HDAC4: variants seen among roughly 807,000 people sequenced by gnomAD.
HDAC4 encodes histone deacetylase 4, also known as histone deacetylase A.
Under a neutral mutation model 135.1 loss-of-function variants are expected in HDAC4, and 16 were observed. The observed-to-expected ratio is 0.12, with a 90% CI of 0.08 to 0.18. HDAC4 has a LOEUF of 0.18. Ranked by LOEUF, HDAC4 falls within the 10% of genes least tolerant of loss-of-function variation. The pLI is 1.00. For synonymous variants in HDAC4, 685 were observed against 653.4 expected, an observed-to-expected ratio of 1.05 and a Z score of -0.74; for missense variants, 1,143 against 1,511.8, an observed-to-expected ratio of 0.76 and a Z score of 4.05.
intron 3 of HDAC4, 65 bp downstream of exon 3, chr2:239,236,528 G>T: frequency 7.8e-7 from 1 of 1,285,324 alleles, no homozygotes; most frequent in Non-Finnish European, 1.1e-6. Flanking sequence ...ATAAGGCAGA[G>T]CGTCTGAACA....
intron 11 of HDAC4, among the ~76,000 whole-genome samples, chr2:239,128,798 G>T (rs979654041): frequency 3.3e-5 from 5 of 152,010 alleles, no homozygotes; most frequent in African/African-American, 1.2e-4. Flanking sequence ...ACAGTCCCCT[G>T]CCCAGGCCTG....
At position 239,226,588 on chromosome 2, in the gene HDAC4, T is replaced by C. The variant is rs77243023; in HGVS notation, c.94+10005A>G. Among the ~76,000 whole-genome samples the C allele has an allele frequency of 5.3e-3, 800 of 152,282 alleles. 3 individuals are homozygous for C. Among genetic ancestry groups the C allele is most frequent in the African/African-American group, 0.018 (745 of 41,572 alleles). On this transcript the variant is annotated intron_variant, in intron 3 of 26. Coordinates refer to ENST00000543185, the MANE Select transcript of HDAC4 (RefSeq NM_001378414.1). Reference sequence around the variant, plus strand: ...TAACCGTCTGCTTTCTTACCACCCATGTTCCTTGCTAAGGGCAGACAGTAA... The same window carrying C: ...TAACCGTCTGCTTTCTTACCACCCACGTTCCTTGCTAAGGGCAGACAGTAA...
chr2:239,143,835 T>C (rs3828210), intron 8 of HDAC4, among the ~76,000 whole-genome samples: 109,047 of 152,188 alleles, frequency 0.72, 40,115 homozygotes, highest in South Asian at 0.91. Flanking sequence ...GCCTTCAAGT[T>C]GAACACTTTC....
chr2:239,383,174 G>A (rs1021654891), intron 1 of HDAC4, among the ~76,000 whole-genome samples: 2 of 152,236 alleles, frequency 1.3e-5, no homozygotes, highest in Admixed American at 1.3e-4. Context: ...TCCCCTTGTC[G>A]AGGAAGATGT....
In HDAC4 at chr2:239,068,679, T is replaced by G; in HGVS notation, c.2751-72A>C. 5 of 1,324,608 alleles carry G rather than the reference T, an allele frequency of 3.8e-6. No homozygotes were observed. Among genetic ancestry groups the G allele is most frequent in the Non-Finnish European group, 5.5e-6 (5 of 917,338 alleles). 82.1% of individuals were successfully genotyped at this position (1,324,608 alleles called of 1,614,324 possible). On this transcript the variant is annotated intron_variant, in intron 22 of 26. Coordinates refer to ENST00000543185, the MANE Select transcript of HDAC4 (RefSeq NM_001378414.1). This position sits in a 1 kb window ranked among gnomAD's most constrained non-coding sequence, Gnocchi z 4.4. The stretch of plus-strand genomic sequence containing the variant: ...CGGGACGGTCACAAAACCCCAAGGT[T>G]CCCTCTGGCATTGATAATGCCTGCC...
chr2:239,210,223 G>C (rs1230625790), intron 3 of HDAC4, among the ~76,000 whole-genome samples: 2 of 152,156 alleles, frequency 1.3e-5, no homozygotes, highest in South Asian at 2.1e-4. Context: ...GTGGAATATT[G>C]AGAGTGTAGA....
intron 24 of HDAC4, among the ~76,000 whole-genome samples, chr2:239,058,911 A>G (rs1342799824): frequency 2.0e-5 from 3 of 152,216 alleles, no homozygotes; most frequent in African/African-American, 7.2e-5. Context: ...GAGAGGACAC[A>G]TTATCCCAAA....
intron 2 of HDAC4, among the ~76,000 whole-genome samples, chr2:239,343,215 T>C (rs1692404550): frequency 6.6e-6 from 1 of 152,236 alleles, no homozygotes; most frequent in Non-Finnish European, 1.5e-5. Flanking sequence ...GTAATTTTCA[T>C]TATAATTTTC....
intron 3 of HDAC4, among the ~76,000 whole-genome samples, chr2:239,198,636 G>C (rs1441126552): frequency 6.6e-6 from 1 of 152,148 alleles, no homozygotes. Context: ...AGTGCTCCTC[G>C]TGGTTGGCTG....
chr2:239,059,435 G>T lies in HDAC4; in HGVS notation c.3004-4602C>A, dbSNP rs534221883. ...ACTGACGGAGGAAACCCAAGTTCGG[G>T]GGGGTACACAGGGACAACCCCAGGG... is the stretch of plus-strand genomic sequence containing the variant. On this transcript the variant is annotated intron_variant, in intron 24 of 26. Coordinates refer to ENST00000543185, the MANE Select transcript of HDAC4 (RefSeq NM_001378414.1). Among the ~76,000 whole-genome samples, 6 of 152,278 alleles carry T rather than the reference G, an allele frequency of 3.9e-5. No individual in the cohort carries two copies. In the South Asian group the frequency reaches 6.2e-4, roughly 16 times the overall value.
In HDAC4 at chr2:239,258,079, T is replaced by C. The variant is rs539562857; in HGVS notation, c.23-21415A>G. On this transcript the variant is annotated intron_variant, in intron 2 of 26. Transcript: ENST00000543185. ...TTTAAAGAAATGATGATTTCTATGT[T>C]TAAGAAGATGAGTTGGAAACTTGAA... Among the ~76,000 whole-genome samples the C allele has an allele frequency of 2.6e-5, 4 of 152,108 alleles. No homozygotes were observed. The East Asian group carries it at 7.8e-4, about 29-fold the overall frequency.
chr2:239,339,231 AG>A (rs1428874000), intron 2 of HDAC4, among the ~76,000 whole-genome samples: 2 of 152,192 alleles, frequency 1.3e-5, no homozygotes, highest in African/African-American at 4.8e-5. Context: ...CTGTAAACAC[AG>A]GGCTGCCCCA....
intron 24 of HDAC4, among the ~76,000 whole-genome samples, chr2:239,062,563 G>A (rs972363603): frequency 5.9e-5 from 9 of 152,240 alleles, no homozygotes; most frequent in Non-Finnish European, 1.2e-4. Flanking sequence ...GCAAGAACAG[G>A]CCACGGCTGA....
chr2:239,103,253 A>G, intron 15 of HDAC4, among the ~76,000 whole-genome samples: 2 of 152,154 alleles, frequency 1.3e-5, no homozygotes, highest in Non-Finnish European at 2.9e-5. Flanking sequence ...TGAGCTGCTG[A>G]GCTCCCTCAC....
Position 239,107,214 on chromosome 2 carries a change from A to G in HDAC4, c.2112+836T>C, listed in dbSNP as rs183147768. ...GAGCACCAGCTGGGACAGCCTCACC[A>G]AAGTGCGGCCCCCGTCCTGCCCTCA... On this transcript the variant is annotated intron_variant, in intron 15 of 26. Coordinates refer to ENST00000543185, the MANE Select transcript of HDAC4 (RefSeq NM_001378414.1). 6.7e-3 allele frequency among the ~76,000 whole-genome samples: 1,024 copies of G among 152,308 alleles called. 7 individuals are homozygous for G. The highest frequency in any genetic ancestry group is 0.023 in the African/African-American group (970 of 41,564).
At chr2:239,170,381 G>A (rs2043375336) in intron 5 of HDAC4, among the ~76,000 whole-genome samples, 1 of 152,104 alleles carries the variant, frequency 6.6e-6, no homozygotes, top group Non-Finnish European at 1.5e-5. Flanking sequence ...AGAACACAAG[G>A]ATTTCAAATA....
At position 239,166,552 on chromosome 2, in the gene HDAC4, G is replaced by T. The variant is rs112115126; in HGVS notation, c.491-2629C>A. On this transcript the variant is annotated intron_variant, in intron 5 of 26. Coordinates refer to ENST00000543185, the MANE Select transcript of HDAC4 (RefSeq NM_001378414.1). ...CGGCGTTAGACTCGAACATCACTTA[G>T]AAGCACTTTTAGCTGAACTGTCTGT... 8.7e-3 allele frequency among the ~76,000 whole-genome samples: 1,326 copies of T among 152,288 alleles called. 17 individuals are homozygous for T. The highest frequency in any genetic ancestry group is 0.027 in the African/African-American group (1,130 of 41,536).
intron 1 of HDAC4, among the ~76,000 whole-genome samples, chr2:239,397,638 T>C (rs1276895523): frequency 6.6e-6 from 1 of 152,182 alleles, no homozygotes; most frequent in Non-Finnish European, 1.5e-5. Context: ...CATTTAATGC[T>C]GCAGGCACCA....
At chr2:239,073,914 A>G (rs2034459448) in intron 22 of HDAC4, among the ~76,000 whole-genome samples, 1 of 151,688 alleles carries the variant, frequency 6.6e-6, no homozygotes, top group African/African-American at 2.4e-5. Context: ...TCTGACCGAC[A>G]TTCCGAGGCT....
Sources: allele counts gnomAD v4.1 joint callset (sites outside exome capture counted in the v4.1 genomes callset), GRCh38; gene constraint gnomAD v4.1.1; non-coding constraint Gnocchi (gnomAD v3.1); transcripts MANE v1.5; gene names NCBI Gene and HGNC (gene_info 2026-07-23, HGNC 2026-07-21).